Variants in PPAT observed in about 807,000 individuals in gnomAD.
The protein encoded by PPAT is phosphoribosyl pyrophosphate amidotransferase.
PPAT carries 20 observed loss-of-function variants against 60.2 expected under a neutral mutation model. The ratio of observed to expected loss-of-function variants is 0.33; its 90% CI spans 0.23 to 0.48. The LOEUF (loss-of-function observed/expected upper bound fraction) is 0.48. Among genes scored for constraint, PPAT ranks in the 20% least tolerant of loss-of-function variants. PPAT has a pLI of 0.99. For synonymous variants in PPAT, 194 were observed against 215.1 expected (o/e 0.90, Z 0.86); for missense variants, 349 against 629.6 (o/e 0.55, Z 4.77).
At chr4:56,430,894 G>A (rs922248322) in intron 1 of PPAT, among the ~76,000 whole-genome samples, 15 of 151,978 alleles carry the variant, frequency 9.9e-5, no homozygotes, top group African/African-American at 3.4e-4. Context: ...TGTATGTTAA[G>A]GAGCTCTTCC....
chr4:56,402,850 G>GAAT (rs1177644230), intron 5 of PPAT, among the ~76,000 whole-genome samples, 190 bp downstream of exon 5: 1 of 41,146 alleles, frequency 2.4e-5, no homozygotes, highest in Non-Finnish European at 4.8e-5. Flanking sequence ...AAAAAAAAAG[G>GAAT]GGGGGGACTC....
At chr4:56,402,978 G>C in intron 5 of PPAT, 62 bp downstream of exon 5, 1 of 1,449,382 alleles carries the variant, frequency 6.9e-7, no homozygotes, top group Non-Finnish European at 9.3e-7. Context: ...TTCAGGGCTT[G>C]ATAGCAGTAG....
chr4:56,432,763 C>A (rs1717665570), intron 1 of PPAT, among the ~76,000 whole-genome samples: 1 of 146,152 alleles, frequency 6.8e-6, no homozygotes, highest in Non-Finnish European at 1.5e-5. Context: ...CCACCCCAGC[C>A]TGGGAGACAG....
chr4:56,425,427 C>A (rs1578134599), intron 1 of PPAT: 1 of 937,282 alleles, frequency 1.1e-6, no homozygotes, highest in Non-Finnish European at 1.3e-6. Flanking sequence ...CGAAGACTTA[C>A]AAATGTGAAA....
intron 5 of PPAT, 67 bp downstream of exon 5, chr4:56,402,973 G>A: frequency 2.8e-6 from 4 of 1,420,590 alleles, no homozygotes; most frequent in Non-Finnish European, 3.8e-6. Context: ...AAGATTTCAG[G>A]GCTTGATAGC....
intron 8 of PPAT, 50 bp from the exon 9 acceptor site, chr4:56,399,450 C>T (rs769604052): frequency 7.5e-7 from 1 of 1,334,522 alleles, no homozygotes; most frequent in African/African-American, 1.5e-5. Flanking sequence ...ACAGAATAGG[C>T]AAATATTTTC....
At chr4:56,411,639 A>T (rs1163389780) in intron 1 of PPAT, among the ~76,000 whole-genome samples, 1 of 152,196 alleles carries the variant, frequency 6.6e-6, no homozygotes. Flanking sequence ...AATCTTATAG[A>T]TGCTATTTCA....
At chr4:56,400,649 T>G (rs746203906) in intron 8 of PPAT, 135 bp downstream of exon 8, 111 of 1,008,090 alleles carry the variant, frequency 1.1e-4, no homozygotes, top group Non-Finnish European at 1.3e-4. Context: ...TAAAAAACGC[T>G]TGTAAACAAA....
intron 3 of PPAT, among the ~76,000 whole-genome samples, chr4:56,404,847 T>C (rs539029710): frequency 6.6e-6 from 1 of 152,282 alleles, no homozygotes; most frequent in South Asian, 2.1e-4. Context: ...GGGTTCTAGA[T>C]ATTTTTGACC....
intron 9 of PPAT, among the ~76,000 whole-genome samples, chr4:56,398,422 C>T (rs1716035896): frequency 1.3e-5 from 2 of 152,160 alleles, no homozygotes; most frequent in South Asian, 2.1e-4. Flanking sequence ...CTGGGATTGG[C>T]TGCATGTCTT....
At chr4:56,395,715 CCTTT>C (rs551842725) in intron 10 of PPAT, among the ~76,000 whole-genome samples, 167 bp from the exon 11 acceptor site, 168 of 150,184 alleles carry the variant, frequency 1.1e-3, no homozygotes, top group Middle Eastern at 3.5e-3. Flanking sequence ...AAACTCAGTT[CCTTT>C]ATTTTTAAAA....
In PPAT at chr4:56,435,466, C is replaced by T; in HGVS notation, c.12G>A (p.Glu4=). ...CACATTCCTCTCGGATCCCCAACTC[C>T]TCCAGCTCCATGTCGCCGCCGAAAG... MEL[E]ELGIREECGV... Residue 4 remains glutamate (E), a synonymous_variant, in exon 1 of 11, where the codon GAG becomes GAA. Coordinates refer to ENST00000264220, the MANE Select transcript of PPAT (RefSeq NM_002703.5). 4 of 1,613,712 alleles carry T rather than the reference C, an allele frequency of 2.5e-6. No individual in the cohort carries two copies. The highest frequency in any genetic ancestry group is 2.2e-5 in the East Asian group (1 of 44,874).
At chr4:56,412,984 G>T (rs570142664) in intron 1 of PPAT, among the ~76,000 whole-genome samples, 8 of 143,394 alleles carry the variant, frequency 5.6e-5, no homozygotes, top group Admixed American at 3.0e-4. Flanking sequence ...ACAATTAATG[G>T]TTCCATAATA....
At chr4:56,419,614 G>T (rs1217892407) in intron 1 of PPAT, 1 of 944,918 alleles carries the variant, frequency 1.1e-6, no homozygotes, top group South Asian at 4.9e-5. Flanking sequence ...CCTAATGCAG[G>T]TATCTCTACG....
chr4:56,404,943 A>G (rs3796542), intron 3 of PPAT, among the ~76,000 whole-genome samples: 103,465 of 151,926 alleles, frequency 0.68, 35,335 homozygotes, highest in Admixed American at 0.76. Context: ...TGGGGTGTGC[A>G]TGTAACCATC....
Position 56,406,383 on chromosome 4 carries a change from G to C in PPAT, c.402+112C>G, listed in dbSNP as rs550694300. The C allele has an allele frequency of 6.5e-5, 70 of 1,083,690 alleles. No individual in the cohort carries two copies. The South Asian group carries it at 9.9e-4, about 15-fold the overall frequency. The allele number at this position is 1,083,690 out of a possible 1,614,324, so 67.1% of individuals were successfully genotyped here. ...TGATGCAATTGTTTGTTGCAGTTAG[G>C]TAACAGGTAGCAACAATTAGAAAAT... On this transcript the variant is annotated intron_variant, in intron 3 of 10. Transcript: ENST00000264220.
At chr4:56,426,350 C>T (rs1182894304) in intron 1 of PPAT, among the ~76,000 whole-genome samples, 2 of 151,818 alleles carry the variant, frequency 1.3e-5, no homozygotes, top group Non-Finnish European at 2.9e-5. Flanking sequence ...TGCAGTGAGC[C>T]GTGGTCACAC....
intron 9 of PPAT, among the ~76,000 whole-genome samples, chr4:56,397,979 T>TTGCA: frequency 6.6e-6 from 1 of 151,958 alleles, no homozygotes; most frequent in South Asian, 2.1e-4. Flanking sequence ...GAGGTGGAGG[T>TTGCA]TGCAGTAAGC....
rs559365965 is a variant in PPAT at position 56,424,323 on chromosome 4, G to C, written c.128+11027C>G. Among the ~76,000 whole-genome samples, 1,002 of 152,256 alleles carry C rather than the reference G, an allele frequency of 6.6e-3. 7 individuals carry two copies. The highest frequency in any genetic ancestry group is 0.017 in the South Asian group (80 of 4,826). On this transcript the variant is annotated intron_variant, in intron 1 of 10. Transcript: ENST00000264220. Reference sequence around the variant, plus strand: ...TCTGAAGGTTTTGATCTAGCAGGTTGGAGTCAGTTCAGGCACCCGTATTTT... The same window carrying C: ...TCTGAAGGTTTTGATCTAGCAGGTTCGAGTCAGTTCAGGCACCCGTATTTT...
Sources: gnomAD v4.1 joint callset for allele counts (sites outside exome capture counted in the v4.1 genomes callset) on GRCh38, gnomAD v4.1.1 for gene constraint, MANE v1.5 for transcripts, NCBI Gene and HGNC (gene_info 2026-07-23, HGNC 2026-07-21) for gene names.